BLTP3A: variants seen among roughly 807,000 people sequenced by gnomAD.
The protein encoded by BLTP3A is bridge-like lipid transfer protein family member 3A, also known as ICBP90 binding protein 1.
the BLTP3A span, chr6:34,871,575 T>C: frequency 1.9e-6 from 3 of 1,611,684 alleles, no homozygotes. Flanking sequence ...GTTTCTCTCT[T>C]TCCTGCAGGA....
At chr6:34,848,922 C>T in the BLTP3A span, among the ~76,000 whole-genome samples, 1 of 144,916 alleles carries the variant, frequency 6.9e-6, no homozygotes, top group African/African-American at 2.6e-5. Flanking sequence ...AAGGCGATTT[C>T]CTCTAGTGCT....
the BLTP3A span, among the ~76,000 whole-genome samples, chr6:34,805,950 C>T: frequency 0.22 from 32,678 of 151,896 alleles, 4,224 homozygotes; most frequent in African/African-American, 0.36. Flanking sequence ...TTTTTAAGCA[C>T]TTTGCACACC....
the BLTP3A span, among the ~76,000 whole-genome samples, chr6:34,825,016 A>G: frequency 1.7e-3 from 256 of 152,322 alleles, 2 homozygotes; most frequent in Admixed American, 9.6e-3. Context: ...AAAGAAGTCC[A>G]TACTTTATAT....
At chr6:34,832,506 GC>G in the BLTP3A span, among the ~76,000 whole-genome samples, 2 of 151,036 alleles carry the variant, frequency 1.3e-5, no homozygotes, top group African/African-American at 4.9e-5. Flanking sequence ...CGCAATCTTG[GC>G]TCACTGCAGC....
At chr6:34,823,243 G>T in the BLTP3A span, 1 of 1,608,858 alleles carries the variant, frequency 6.2e-7, no homozygotes, top group South Asian at 1.1e-5. Flanking sequence ...AGTTCTCCTT[G>T]ACTTCTATTT....
At chr6:34,819,133 C>A in the BLTP3A span, among the ~76,000 whole-genome samples, 1 of 145,472 alleles carries the variant, frequency 6.9e-6, no homozygotes, top group South Asian at 2.2e-4. Context: ...TTAATTTAGA[C>A]AGTTTTTCTT....
At chr6:34,874,758 C>T in the BLTP3A span, 2 of 152,190 alleles carry the variant, frequency 1.3e-5, no homozygotes, top group East Asian at 1.9e-4. Flanking sequence ...CTGTGGGCAT[C>T]ATCAGGAAGG....
At chr6:34,811,063 C>T in the BLTP3A span, among the ~76,000 whole-genome samples, 1 of 152,072 alleles carries the variant, frequency 6.6e-6, no homozygotes, top group Non-Finnish European at 1.5e-5. Context: ...ACACTTTTAT[C>T]GAATTTATCA....
At chr6:34,858,731 A>G in the BLTP3A span, 5 of 1,614,126 alleles carry the variant, frequency 3.1e-6, no homozygotes, top group African/African-American at 6.7e-5. Flanking sequence ...GAAGTCATGG[A>G]AATTCTGAAA....
At chr6:34,871,429 T>A in the BLTP3A span, among the ~76,000 whole-genome samples, 1 of 152,170 alleles carries the variant, frequency 6.6e-6, no homozygotes, top group Non-Finnish European at 1.5e-5. Flanking sequence ...TTTCACCATC[T>A]CTAGATGGGA....
At chr6:34,822,035 G>A in the BLTP3A span, 5 of 1,557,150 alleles carry the variant, frequency 3.2e-6, no homozygotes, top group Non-Finnish European at 4.4e-6. Context: ...GAAAATGATA[G>A]GCTAACCCTT....
At chr6:34,835,372 C>T in the BLTP3A span, 1 of 1,614,164 alleles carries the variant, frequency 6.2e-7, no homozygotes, top group African/African-American at 1.3e-5. Flanking sequence ...TGACTCACAG[C>T]TCAAGGCTAT....
the BLTP3A span, among the ~76,000 whole-genome samples, chr6:34,862,103 G>A: frequency 6.6e-6 from 1 of 152,192 alleles, no homozygotes; most frequent in Non-Finnish European, 1.5e-5. Flanking sequence ...AAGTGGCTGG[G>A]TGCGGTGGCT....
chr6:34,828,888 G>A, the BLTP3A span, among the ~76,000 whole-genome samples: 15 of 151,736 alleles, frequency 9.9e-5, no homozygotes, highest in South Asian at 2.1e-3. Flanking sequence ...TTAGCCAGGC[G>A]TGGTGGCGCA....
chr6:34,821,945 C>T, the BLTP3A span: 2 of 1,614,214 alleles, frequency 1.2e-6, no homozygotes, highest in Non-Finnish European at 1.7e-6. Flanking sequence ...AAGACACACC[C>T]TATTTGCTTG....
the BLTP3A span, among the ~76,000 whole-genome samples, chr6:34,868,764 G>A: frequency 5.3e-5 from 8 of 150,554 alleles, no homozygotes; most frequent in Non-Finnish European, 1.2e-4. Flanking sequence ...GGCGGTGCGT[G>A]CCTATAGTTC....
the BLTP3A span, among the ~76,000 whole-genome samples, chr6:34,827,050 C>T: frequency 2.0e-5 from 3 of 152,162 alleles, no homozygotes; most frequent in Non-Finnish European, 4.4e-5. Context: ...CAGTGGCTCA[C>T]ACCTGTAATC....
the BLTP3A span, chr6:34,871,620 C>T: frequency 1.2e-6 from 2 of 1,613,758 alleles, no homozygotes; most frequent in Non-Finnish European, 1.7e-6. Context: ...ATCTCCAGGC[C>T]CCATCCCCAT....
the BLTP3A span, among the ~76,000 whole-genome samples, chr6:34,826,026 A>ATTCTTTT: frequency 1.0e-4 from 8 of 76,640 alleles, 2 homozygotes; most frequent in East Asian, 3.7e-4. Context: ...TACATTTTGC[A>ATTCTTTT]TTTTTTTTTT....
Sources: gnomAD v4.1 joint callset for allele counts (sites outside exome capture counted in the v4.1 genomes callset) on GRCh38, gnomAD v4.1.1 for gene constraint, MANE v1.5 for transcripts, NCBI Gene and HGNC (gene_info 2026-07-23, HGNC 2026-07-21) for gene names.